The following C11orf65 variants were observed in gnomAD, a reference collection of about 807,000 sequenced individuals.
C11orf65 encodes chromosome 11 open reading frame 65.
A neutral mutation model predicts 35.3 loss-of-function variants in C11orf65; 38 were observed. That is an observed-to-expected ratio of 1.08 (90% CI 0.83 to 1.41). The LOEUF (loss-of-function observed/expected upper bound fraction) is 1.41. Among genes scored for constraint, C11orf65 ranks in the 40% most tolerant of loss-of-function variants. The pLI is 0.00. For missense variants in C11orf65, 370 were observed against 367.1 expected, an observed-to-expected ratio of 1.01 and a Z score of -0.06; for synonymous variants, 105 against 114.4, an observed-to-expected ratio of 0.92 and a Z score of 0.53.
chr11:108,317,305 T>G, intron 6 of C11orf65: 3 of 1,521,940 alleles, frequency 2.0e-6, no homozygotes, highest in Non-Finnish European at 2.7e-6. Context: ...ATCTTTGCTG[T>G]TTTTTTCTCT....
chr11:108,382,429 CAAGTA>C (rs760071523), downstream of C11orf65, among the ~76,000 whole-genome samples: 35 of 151,418 alleles, frequency 2.3e-4, no homozygotes, highest in East Asian at 5.8e-4. Context: ...TTGATGAAAG[CAAGTA>C]AAGAGAAAAA....
chr11:108,412,365 A>G (rs1420613506), intron 3 of C11orf65, among the ~76,000 whole-genome samples: 6 of 152,202 alleles, frequency 3.9e-5, no homozygotes, highest in African/African-American at 1.4e-4. Context: ...ATAAATATCG[A>G]TTGAACTATA....
intron 2 of C11orf65, among the ~76,000 whole-genome samples, chr11:108,444,775 G>A (rs534220043): frequency 2.0e-5 from 3 of 152,232 alleles, no homozygotes; most frequent in Admixed American, 6.5e-5. Context: ...TGGGTACAGC[G>A]CACCGTGCAC....
chr11:108,397,183 T>C (rs1471844188), intron 6 of C11orf65, among the ~76,000 whole-genome samples: 1 of 151,982 alleles, frequency 6.6e-6, no homozygotes, highest in Non-Finnish European at 1.5e-5. Context: ...TAGCTGGGCA[T>C]GGTGGCATGT....
upstream of C11orf65, among the ~76,000 whole-genome samples, chr11:108,468,676 G>T (rs1000466047): frequency 6.6e-6 from 1 of 152,144 alleles, no homozygotes; most frequent in Non-Finnish European, 1.5e-5. Flanking sequence ...AGCAAGGGGT[G>T]AGCTTCAGTT....
chr11:108,386,522 T>C (rs1189012823), intron 7 of C11orf65, among the ~76,000 whole-genome samples: 1 of 152,146 alleles, frequency 6.6e-6, no homozygotes, highest in Non-Finnish European at 1.5e-5. Flanking sequence ...AGCTGTCACC[T>C]CAGCTCCTGA....
chr11:108,336,735 T>C (rs2086899526), intron 2 of C11orf65, among the ~76,000 whole-genome samples: 1 of 152,238 alleles, frequency 6.6e-6, no homozygotes, highest in Non-Finnish European at 1.5e-5. Flanking sequence ...CTGGTACATA[T>C]TGCCAAATTA....
Position 108,367,178 on chromosome 11 carries a change from G to A in C11orf65, c.226+26030C>T, listed in dbSNP as rs886047623. On this transcript the variant is annotated intron_variant, in intron 2 of 3. Transcript: ENST00000524755. ...AATTTTTTGTATTTTTATTAGAGACGGAGTTTCACCGTGTTAGCCAGGATG... is the reference window on the plus strand; with the variant it reads ...AATTTTTTGTATTTTTATTAGAGACAGAGTTTCACCGTGTTAGCCAGGATG... The A allele has an allele frequency of 7.3e-5, 13 of 177,590 alleles. No homozygotes were observed. Among genetic ancestry groups the A allele is most frequent in the South Asian group, 2.0e-4 (1 of 5,024 alleles). The allele number at this position is 177,590 out of a possible 1,614,324, so 11.0% of individuals were successfully genotyped here.
At chr11:108,457,760 CAT>C (rs1057473806) in intron 2 of C11orf65, among the ~76,000 whole-genome samples, 2 of 152,120 alleles carry the variant, frequency 1.3e-5, no homozygotes, top group South Asian at 2.1e-4. Flanking sequence ...AAGAAGTACT[CAT>C]GTTACTTTGA....
chr11:108,410,682 A>G (rs1365654430), intron 3 of C11orf65, among the ~76,000 whole-genome samples: 1 of 144,622 alleles, frequency 6.9e-6, no homozygotes, highest in African/African-American at 2.6e-5. Flanking sequence ...TTGATTTCTG[A>G]TTTTATCTTC....
At chr11:108,345,704 C>T (rs566080491) in intron 2 of C11orf65, 3 of 1,438,966 alleles carry the variant, frequency 2.1e-6, no homozygotes, top group South Asian at 2.7e-5. Context: ...TAATTGAACA[C>T]AATATTGAAA....
At chr11:108,333,019 T>G in intron 3 of C11orf65, 1 of 1,277,830 alleles carries the variant, frequency 7.8e-7, no homozygotes, top group South Asian at 1.3e-5. Flanking sequence ...ATCCAAAAGC[T>G]TAATTTATAT....
At chr11:108,319,712 A>G (rs2085048473) in intron 6 of C11orf65, among the ~76,000 whole-genome samples, 1 of 152,236 alleles carries the variant, frequency 6.6e-6, no homozygotes. Flanking sequence ...TTTATTGAAT[A>G]AATAAATGAA....
chr11:108,463,676 T>C (rs1041746865), intron 1 of C11orf65, among the ~76,000 whole-genome samples: 3 of 152,178 alleles, frequency 2.0e-5, no homozygotes, highest in African/African-American at 4.8e-5. Flanking sequence ...ACCTAACTCA[T>C]AGAATTGTTA....
At chr11:108,436,317 C>G (rs1236466366) in intron 2 of C11orf65, among the ~76,000 whole-genome samples, 1 of 151,812 alleles carries the variant, frequency 6.6e-6, no homozygotes, top group Non-Finnish European at 1.5e-5. Flanking sequence ...TGGTTTAAAG[C>G]ACTAACTTTG....
chr11:108,453,485 CTG>C (rs1277085260), intron 2 of C11orf65, among the ~76,000 whole-genome samples: 2 of 152,010 alleles, frequency 1.3e-5, no homozygotes, highest in African/African-American at 4.8e-5. Flanking sequence ...TTAAATCCAA[CTG>C]TATTTTGTTT....
chr11:108,354,645 C>T (rs984144427), intron 2 of C11orf65, among the ~76,000 whole-genome samples: 2 of 152,126 alleles, frequency 1.3e-5, no homozygotes, highest in East Asian at 3.8e-4. Flanking sequence ...TCATTTCAAA[C>T]GTCTAATGAA....
chr11:108,393,394 G>A lies in C11orf65; in HGVS notation c.561-16C>T. The A allele has an allele frequency of 3.1e-6, 5 of 1,601,244 alleles. No individual in the cohort carries two copies. Among genetic ancestry groups the A allele is most frequent in the South Asian group, 1.1e-5 (1 of 89,906 alleles). On this transcript the variant is annotated splice_polypyrimidine_tract_variant and intron_variant, in intron 6 of 8. Coordinates refer to ENST00000393084, the MANE Select transcript of C11orf65 (RefSeq NM_152587.5). ...TGAGTAGTACCTAAATAGGCAAAAG[G>A]GAAAGAGAAGTAAATCTTTTGAAAT...
intron 2 of C11orf65, among the ~76,000 whole-genome samples, chr11:108,353,131 T>C (rs2089413284): frequency 6.6e-6 from 1 of 152,170 alleles, no homozygotes; most frequent in Non-Finnish European, 1.5e-5. Context: ...AGTGAACATA[T>C]AATTATCTCA....
Sources: gnomAD v4.1 joint callset for allele counts (sites outside exome capture counted in the v4.1 genomes callset) on GRCh38, gnomAD v4.1.1 for gene constraint, MANE v1.5 for transcripts, NCBI Gene and HGNC (gene_info 2026-07-23, HGNC 2026-07-21) for gene names.